Variants in SIMC1 observed in about 807,000 individuals in gnomAD.
The protein encoded by SIMC1 is SUMO-interacting motif-containing protein 1.
Under a neutral mutation model 82.3 loss-of-function variants are expected in SIMC1, and 55 were observed. The observed-to-expected ratio is 0.67, with a 90% CI of 0.54 to 0.84. The LOEUF is 0.84. Ranked by LOEUF, SIMC1 falls within the 40% of genes least tolerant of loss-of-function variation. The probability of loss-of-function intolerance (pLI) is 0.00; values close to 1 mark genes in which losing one functional copy is unlikely to be tolerated. For missense variants in SIMC1, 915 were observed against 1,107.2 expected, an observed-to-expected ratio of 0.83 and a Z score of 2.46; for synonymous variants, 353 against 426.3, an observed-to-expected ratio of 0.83 and a Z score of 2.12.
At chr5:176,305,776 C>T (rs1193593135) in intron 4 of SIMC1, among the ~76,000 whole-genome samples, 3 of 55,140 alleles carry the variant, frequency 5.4e-5, no homozygotes, top group Admixed American at 1.5e-4. Flanking sequence ...GCCCCCCACC[C>T]GGCCAGCCGC....
chr5:176,252,763 C>T (rs1444045248), intron 1 of SIMC1, among the ~76,000 whole-genome samples: 4 of 152,218 alleles, frequency 2.6e-5, no homozygotes, highest in Admixed American at 1.3e-4. Context: ...GCTGCAATCT[C>T]GGCACTTTGG....
chr5:176,287,230 A>C (rs951925708), intron 1 of SIMC1, among the ~76,000 whole-genome samples: 3 of 152,234 alleles, frequency 2.0e-5, no homozygotes, highest in Admixed American at 2.0e-4. Context: ...GAACCAACCC[A>C]AATATCCATC....
At position 176,261,984 on chromosome 5, in the gene SIMC1, A is replaced by G. The variant is rs538838726; in HGVS notation, c.129+23347A>G. Among the ~76,000 whole-genome samples, 622 of 152,048 alleles carry G rather than the reference A, an allele frequency of 4.1e-3. 3 individuals carry two copies. The highest frequency in any genetic ancestry group is 0.014 in the African/African-American group (584 of 41,466). On this transcript the variant is annotated intron_variant, in intron 1 of 9. Transcript: ENST00000429602. ...TGCTAACTAGCTCTATGAGACCAAC[A>G]TTACACTAATACCAAAGCAAGACAA...
chr5:176,317,898 G>T (rs1764988118), intron 5 of SIMC1, among the ~76,000 whole-genome samples: 2 of 152,286 alleles, frequency 1.3e-5, no homozygotes, highest in East Asian at 1.9e-4. Flanking sequence ...AAGGAAAAAT[G>T]AAGCAACAAA....
At chr5:176,292,975 G>C (rs909057850) in intron 2 of SIMC1, among the ~76,000 whole-genome samples, 2 of 152,166 alleles carry the variant, frequency 1.3e-5, no homozygotes, top group Non-Finnish European at 2.9e-5. Flanking sequence ...ATGGGGAGTA[G>C]GGGTTGAGAG....
chr5:176,273,216 G>A (rs922937627), intron 1 of SIMC1, among the ~76,000 whole-genome samples: 18 of 152,154 alleles, frequency 1.2e-4, no homozygotes, highest in Non-Finnish European at 2.9e-5. Flanking sequence ...ACAGCCGGGT[G>A]CCCCTCTGAG....
Position 176,238,661 on chromosome 5 carries a change from G to A in SIMC1, c.129+24G>A, listed in dbSNP as rs1252059277. On this transcript the variant is annotated intron_variant, in intron 1 of 9. Coordinates refer to ENST00000429602, the MANE Select transcript of SIMC1 (RefSeq NM_001308195.2). Reference sequence around the variant, plus strand: ...TGGTGAGTGAGCGTCGCCTCGTTTGGGGGCGCGCGTCTTCGCGACCCTCGG... The same window carrying A: ...TGGTGAGTGAGCGTCGCCTCGTTTGAGGGCGCGCGTCTTCGCGACCCTCGG... 3.4e-6 allele frequency: 4 copies of A among 1,169,812 alleles called. No homozygotes were observed. In the East Asian group the frequency reaches 1.5e-4, roughly 44 times the overall value. 72.5% of individuals were successfully genotyped at this position (1,169,812 alleles called of 1,614,324 possible).
Sources: allele counts gnomAD v4.1 joint callset (sites outside exome capture counted in the v4.1 genomes callset), GRCh38; gene constraint gnomAD v4.1.1; transcripts MANE v1.5; gene names NCBI Gene and HGNC (gene_info 2026-07-23, HGNC 2026-07-21).